Variants in OSBPL10 observed in about 807,000 individuals in gnomAD.
OSBPL10 encodes the protein oxysterol-binding protein-related protein 10.
A neutral mutation model predicts 81.7 loss-of-function variants in OSBPL10; 49 were observed. The ratio of observed to expected loss-of-function variants is 0.60; its 90% CI spans 0.48 to 0.76. OSBPL10 has a LOEUF of 0.76. Among genes scored for constraint, OSBPL10 ranks in the 30% least tolerant of loss-of-function variants. The probability of loss-of-function intolerance (pLI) is 0.00; values close to 1 mark genes in which losing one functional copy is unlikely to be tolerated. For missense variants in OSBPL10, 923 were observed against 987.8 expected, an observed-to-expected ratio of 0.93 and a Z score of 0.88; for synonymous variants, 419 against 383.6, an observed-to-expected ratio of 1.09 and a Z score of -1.08.
chr3:31,804,685 G>T (rs1462573733), intron 4 of OSBPL10, among the ~76,000 whole-genome samples: 1 of 152,164 alleles, frequency 6.6e-6, no homozygotes, highest in Non-Finnish European at 1.5e-5. Flanking sequence ...TACCAAACGC[G>T]CTTCATGAGG....
At chr3:31,764,583 A>C (rs1698144738) in intron 4 of OSBPL10, among the ~76,000 whole-genome samples, 1 of 152,230 alleles carries the variant, frequency 6.6e-6, no homozygotes, top group Non-Finnish European at 1.5e-5. Flanking sequence ...GTTCTCTAGC[A>C]AATTTGAGAA....
intron 4 of OSBPL10, among the ~76,000 whole-genome samples, chr3:31,761,977 A>G (rs1434714327): frequency 6.6e-6 from 1 of 152,076 alleles, no homozygotes; most frequent in Non-Finnish European, 1.5e-5. Flanking sequence ...GGGCAGTGCT[A>G]TTGGAAGAAC....
At chr3:32,013,438 T>C (rs1463829852) in intron 2 of OSBPL10, among the ~76,000 whole-genome samples, 1 of 151,856 alleles carries the variant, frequency 6.6e-6, no homozygotes, top group East Asian at 1.9e-4. Context: ...GGGACACATT[T>C]AAAGCAGTGT....
chr3:31,867,755 G>GAGGA (rs1168661048), intron 3 of OSBPL10, among the ~76,000 whole-genome samples: 2 of 135,750 alleles, frequency 1.5e-5, no homozygotes, highest in South Asian at 2.8e-4. Context: ...GAAAGGAAGG[G>GAGGA]AGGAAGGAAG....
At chr3:31,965,177 G>C (rs1201140120) in intron 1 of OSBPL10, among the ~76,000 whole-genome samples, 3 of 151,284 alleles carry the variant, frequency 2.0e-5, no homozygotes, top group Non-Finnish European at 4.4e-5. Flanking sequence ...TGACCATCCT[G>C]GCTAACATGG....
chr3:31,873,797 T>TCTTGATA (rs1701387611), intron 3 of OSBPL10, among the ~76,000 whole-genome samples: 1 of 152,224 alleles, frequency 6.6e-6, no homozygotes, highest in South Asian at 2.1e-4. Context: ...CAAGTTTATA[T>TCTTGATA]TCACTTTGAG....
chr3:31,916,662 T>C (rs917499923), intron 1 of OSBPL10, among the ~76,000 whole-genome samples: 1 of 152,230 alleles, frequency 6.6e-6, no homozygotes, highest in African/African-American at 2.4e-5. Context: ...TCAGTACTCT[T>C]AAATATTGGA....
intron 4 of OSBPL10, among the ~76,000 whole-genome samples, chr3:31,791,646 GT>G (rs1037732510): frequency 3.4e-5 from 5 of 147,392 alleles, no homozygotes; most frequent in African/African-American, 7.5e-5. Flanking sequence ...AGAGGTTTTT[GT>G]TTTTTTTTTC....
chr3:31,851,405 C>G (rs764292441), intron 3 of OSBPL10, among the ~76,000 whole-genome samples: 9 of 152,178 alleles, frequency 5.9e-5, no homozygotes, highest in Non-Finnish European at 1.0e-4. Flanking sequence ...CTTTGATGAG[C>G]AATGGAGAGG....
At chr3:31,808,133 G>A (rs74328593) in intron 4 of OSBPL10, among the ~76,000 whole-genome samples, 6,186 of 152,236 alleles carry the variant, frequency 0.041, 172 homozygotes, top group Middle Eastern at 0.065. Flanking sequence ...ACCTTGGAGA[G>A]CAAAGAGCCA....
intron 6 of OSBPL10, chr3:31,721,404 G>A (rs1188101574): frequency 6.6e-6 from 1 of 152,196 alleles, no homozygotes; most frequent in Non-Finnish European, 1.5e-5. Flanking sequence ...TTCCTCTGAT[G>A]CACAAACCTG....
At chr3:31,720,071 T>C (rs1210792392) in intron 6 of OSBPL10, among the ~76,000 whole-genome samples, 1 of 148,998 alleles carries the variant, frequency 6.7e-6, no homozygotes, top group African/African-American at 2.4e-5. Context: ...ATATATTTTA[T>C]ATATTATATG....
At chr3:31,734,617 AGTCCCAGCTACTTG>A (rs1323543026) in intron 5 of OSBPL10, among the ~76,000 whole-genome samples, 4 of 152,174 alleles carry the variant, frequency 2.6e-5, no homozygotes, top group African/African-American at 9.7e-5. Context: ...ACAAGCCTGT[AGTCCCAGCTACTTG>A]GGAAGCTGAG....
At chr3:32,048,598 T>C (rs1699644384) in intron 1 of OSBPL10, among the ~76,000 whole-genome samples, 1 of 152,172 alleles carries the variant, frequency 6.6e-6, no homozygotes, top group Admixed American at 6.5e-5. Flanking sequence ...TTAGCCACCA[T>C]GCCCAGCCTC....
At position 31,702,408 on chromosome 3, in the gene OSBPL10, A is replaced by G. The variant is rs1695923908; in HGVS notation, c.1196T>C (p.Ile399Thr). 6.2e-7 allele frequency: 1 copy of G among 1,614,212 alleles called. No individual in the cohort carries two copies. Among genetic ancestry groups the G allele is most frequent in the Non-Finnish European group, 8.5e-7 (1 of 1,180,036 alleles). The change falls in exon 7 of 12, where the codon ATA becomes ACA. Residue 399 changes from isoleucine to threonine, a missense_variant. Coordinates refer to ENST00000396556, the MANE Select transcript of OSBPL10 (RefSeq NM_017784.5). ...GAGTTGTGAAATGAGATGAAGAATT[A>G]TACTACGCTGATCCTCCATGACGCC... ...ELGVMEDQRS[I>T]ILHLISQLKL...
chr3:31,891,773 T>C (rs1695900788), intron 1 of OSBPL10, among the ~76,000 whole-genome samples: 1 of 152,132 alleles, frequency 6.6e-6, no homozygotes, highest in African/African-American at 2.4e-5. Flanking sequence ...GTGATATGAA[T>C]AAAGCACTCT....
intron 1 of OSBPL10, among the ~76,000 whole-genome samples, chr3:31,899,167 C>T (rs371712493): frequency 1.2e-4 from 19 of 152,110 alleles, no homozygotes; most frequent in African/African-American, 4.3e-4. Flanking sequence ...CTCTCGAACT[C>T]CTGAGCTCAG....
chr3:31,954,519 AG>A (rs1697955143), intron 1 of OSBPL10, among the ~76,000 whole-genome samples: 1 of 152,248 alleles, frequency 6.6e-6, no homozygotes, highest in Non-Finnish European at 1.5e-5. Flanking sequence ...AGCCAGACAC[AG>A]TAAGTATATA....
At position 32,034,650 on chromosome 3, in the gene OSBPL10, C is replaced by A. The variant is rs112655156; in HGVS notation, n.298+11841G>T. Among the ~76,000 whole-genome samples the A allele has an allele frequency of 6.0e-3, 914 of 152,202 alleles. 2 individuals are homozygous for A. Among genetic ancestry groups the A allele is most frequent in the Middle Eastern group, 0.01 (3 of 294 alleles). On this transcript the variant is annotated intron_variant and non_coding_transcript_variant, in intron 2 of 3. Coordinates refer to the OSBPL10 transcript ENST00000479173. Reference sequence around the variant, plus strand: ...AAATAAATAATTTTACTGCCCTGTACCTGCAAGGGAGATACTAATTTGTCT... The same window carrying A: ...AAATAAATAATTTTACTGCCCTGTAACTGCAAGGGAGATACTAATTTGTCT...
Sources: gnomAD v4.1 joint callset for allele counts (sites outside exome capture counted in the v4.1 genomes callset) on GRCh38, gnomAD v4.1.1 for gene constraint, MANE v1.5 for transcripts, NCBI Gene and HGNC (gene_info 2026-07-23, HGNC 2026-07-21) for gene names.